COL19A1: variants seen among roughly 807,000 people sequenced by gnomAD.
COL19A1 encodes collagen type XIX alpha 1 chain.
In COL19A1, 159 loss-of-function variants were observed where a neutral mutation model predicts 190.2. The ratio of observed to expected loss-of-function variants is 0.84; its 90% CI spans 0.73 to 0.95. The LOEUF is 0.95. COL19A1 is among the 40% of genes least tolerant of loss of function. The probability of loss-of-function intolerance (pLI) is 0.00; values close to 1 mark genes in which losing one functional copy is unlikely to be tolerated. For missense variants in COL19A1, 1,418 were observed against 1,431.9 expected, an observed-to-expected ratio of 0.99 and a Z score of 0.16; for synonymous variants, 509 against 458.9, an observed-to-expected ratio of 1.11 and a Z score of -1.39.
intron 9 of COL19A1, among the ~76,000 whole-genome samples, chr6:69,946,042 G>C (rs907580488): frequency 6.6e-6 from 1 of 151,760 alleles, no homozygotes; most frequent in Non-Finnish European, 1.5e-5. Flanking sequence ...ACCCAGCTTT[G>C]GGGTTTTTCC....
chr6:70,170,726 C>A (rs992557909), intron 40 of COL19A1, among the ~76,000 whole-genome samples: 2 of 151,844 alleles, frequency 1.3e-5, no homozygotes, highest in Non-Finnish European at 2.9e-5. Context: ...TGTCAAGTTA[C>A]ATATTAGGGG....
chr6:69,988,241 T>C (rs1197400914), intron 11 of COL19A1, among the ~76,000 whole-genome samples: 1 of 152,230 alleles, frequency 6.6e-6, no homozygotes, highest in Non-Finnish European at 1.5e-5. Context: ...AAAGGTTACA[T>C]GTCATTTCCT....
chr6:70,075,680 G>A (rs1305330847), intron 15 of COL19A1, among the ~76,000 whole-genome samples: 2 of 152,022 alleles, frequency 1.3e-5, no homozygotes, highest in African/African-American at 4.8e-5. Context: ...TACTGACAGT[G>A]TGCCTGTGTC....
intron 2 of COL19A1, among the ~76,000 whole-genome samples, chr6:69,883,570 C>T (rs1768709312): frequency 6.6e-6 from 1 of 152,150 alleles, no homozygotes; most frequent in African/African-American, 2.4e-5. Context: ...TAAGTTATAA[C>T]TTGACCAGAC....
Position 70,114,946 on chromosome 6 carries a change from A to G in COL19A1, c.1279-6934A>G, listed in dbSNP as rs181617005. Among the ~76,000 whole-genome samples the G allele has an allele frequency of 3.0e-3, 463 of 152,348 alleles. 2 individuals carry two copies. Among genetic ancestry groups the G allele is most frequent in the African/African-American group, 0.011 (447 of 41,592 alleles). On this transcript the variant is annotated intron_variant, in intron 16 of 50. Transcript: ENST00000620364. ...CCAATGAATGAAACAGGTCCATCAG[A>G]TTAGCACTGAAACATGAATTTTCCC...
At position 69,991,214 on chromosome 6, in the gene COL19A1, G is replaced by A. The variant is rs199731187; in HGVS notation, c.1026+28344G>A. Among the ~76,000 whole-genome samples the A allele has an allele frequency of 7.2e-5, 11 of 152,132 alleles. No homozygotes were observed. In the East Asian group the frequency reaches 2.1e-3, roughly 29 times the overall value. ...CTAGCTCCATCCATGTTGCTGCAAA[G>A]GGCATGATCTCATTCTTTTTTATAA... On this transcript the variant is annotated intron_variant, in intron 11 of 50. Coordinates refer to ENST00000620364, the MANE Select transcript of COL19A1 (RefSeq NM_001858.6).
At chr6:69,907,107 A>ATTTT (rs56927758) in intron 4 of COL19A1, among the ~76,000 whole-genome samples, 30 of 129,400 alleles carry the variant, frequency 2.3e-4, no homozygotes, top group East Asian at 4.7e-4. Flanking sequence ...TATTATTATT[A>ATTTT]TTTTTTTTTT....
chr6:69,967,369 T>G (rs12200402), intron 11 of COL19A1, among the ~76,000 whole-genome samples: 1,676 of 152,278 alleles, frequency 0.011, 16 homozygotes, highest in Non-Finnish European at 0.015. Flanking sequence ...GAGCACTTCT[T>G]CGTGAATCAT....
rs1773931230 is a variant in COL19A1, at chr6:69,948,219, A to T, written c.936+10119A>T. Among the ~76,000 whole-genome samples, 7 of 151,980 alleles carry T rather than the reference A, an allele frequency of 4.6e-5. No individual in the cohort carries two copies. In the South Asian group the frequency reaches 1.4e-3, roughly 31 times the overall value. ...TGGGAATCTTTTTTAAAACATTTGC[A>T]GAATCACCGAAGCGCTTGAGCTATA... On this transcript the variant is annotated intron_variant, in intron 9 of 50. Coordinates refer to ENST00000620364, the MANE Select transcript of COL19A1 (RefSeq NM_001858.6).
chr6:69,994,296 T>C (rs1022809813), intron 11 of COL19A1, among the ~76,000 whole-genome samples: 3 of 151,514 alleles, frequency 2.0e-5, no homozygotes, highest in South Asian at 4.2e-4. Context: ...TTCACTCTAA[T>C]TGAGTGAGAA....
intron 1 of COL19A1, among the ~76,000 whole-genome samples, chr6:69,872,285 A>G (rs905651842): frequency 6.6e-6 from 1 of 152,090 alleles, no homozygotes; most frequent in Admixed American, 6.5e-5. Context: ...ATCCCCAGTG[A>G]TTGTTACATA....
chr6:70,083,283 G>A (rs1782382987), intron 15 of COL19A1, among the ~76,000 whole-genome samples: 1 of 152,116 alleles, frequency 6.6e-6, no homozygotes, highest in Non-Finnish European at 1.5e-5. Flanking sequence ...GTGCCATAGG[G>A]AATCTTTATG....
At chr6:69,889,603 T>C (rs1769191129) in intron 2 of COL19A1, among the ~76,000 whole-genome samples, 1 of 151,004 alleles carries the variant, frequency 6.6e-6, no homozygotes, top group Non-Finnish European at 1.5e-5. Context: ...TGTAAAAATG[T>C]ACCAATCAGC....
intron 11 of COL19A1, among the ~76,000 whole-genome samples, chr6:69,989,673 A>G (rs1776512334): frequency 6.6e-6 from 1 of 151,294 alleles, no homozygotes; most frequent in African/African-American, 2.4e-5. Context: ...CCACTGATCT[A>G]GATCCTACCT....
intron 11 of COL19A1, among the ~76,000 whole-genome samples, chr6:70,004,376 C>T (rs1582661007): frequency 6.6e-6 from 1 of 152,236 alleles, no homozygotes; most frequent in East Asian, 1.9e-4. Flanking sequence ...CAAGGGGTAT[C>T]TTAGTGGCAT....
In COL19A1 at chr6:70,176,563, C is replaced by T. The variant is rs987693593; in HGVS notation, c.2666C>T (p.Ser889Leu). The change falls in exon 42 of 51, where the codon TCG (serine) becomes TTG (leucine). Residue 889 changes from serine to leucine, a missense_variant and splice_region_variant. Coordinates refer to ENST00000620364, the MANE Select transcript of COL19A1 (RefSeq NM_001858.6). Reference protein sequence around the residue: ...PAGPPGIAGMSGKPGAPGPPG... With the variant: ...PAGPPGIAGMLGKPGAPGPPG... The stretch of plus-strand genomic sequence containing the variant: ...GGTCCCCCAGGAATAGCAGGGATGT[C>T]GGTGAGTTCAGATTACTTCACATCA... 1.9e-5 allele frequency: 30 copies of T among 1,612,996 alleles called. No individual in the cohort carries two copies. In the Admixed American group the frequency reaches 2.7e-4, roughly 14 times the overall value.
At chr6:70,181,597 G>C (rs1487188783) in intron 44 of COL19A1, among the ~76,000 whole-genome samples, 1 of 151,670 alleles carries the variant, frequency 6.6e-6, no homozygotes, top group Non-Finnish European at 1.5e-5. Flanking sequence ...GCTAGGCACT[G>C]TTCTAGGTGG....
chr6:69,883,008 GATAA>G (rs1170048706), intron 2 of COL19A1, among the ~76,000 whole-genome samples: 1 of 152,198 alleles, frequency 6.6e-6, no homozygotes, highest in Non-Finnish European at 1.5e-5. Flanking sequence ...ACAATGATTA[GATAA>G]ATAATGTAGC....
At chr6:70,009,392 A>G (rs905553098) in intron 11 of COL19A1, among the ~76,000 whole-genome samples, 10 of 152,044 alleles carry the variant, frequency 6.6e-5, no homozygotes, top group African/African-American at 2.4e-4. Context: ...TTTGAAAACA[A>G]TTTTATTTAT....
Sources: allele counts gnomAD v4.1 joint callset (sites outside exome capture counted in the v4.1 genomes callset), GRCh38; gene constraint gnomAD v4.1.1; transcripts MANE v1.5; gene names NCBI Gene and HGNC (gene_info 2026-07-23, HGNC 2026-07-21).